Variants in COPS8 observed in about 807,000 individuals in gnomAD.
COPS8 encodes the protein COP9 signalosome subunit 8.
Under a neutral mutation model 31.5 loss-of-function variants are expected in COPS8, and 11 were observed. The observed-to-expected ratio is 0.35, with a 90% CI of 0.22 to 0.58. The LOEUF is 0.58. Among genes scored for constraint, COPS8 ranks in the 20% least tolerant of loss-of-function variants. COPS8 has a pLI of 0.83. For missense variants in COPS8, 215 were observed against 255.1 expected (o/e 0.84, Z 1.07); for synonymous variants, 81 against 89.3 (o/e 0.91, Z 0.52).
At chr2:237,092,249 A>G (rs1274209892) in intron 4 of COPS8, among the ~76,000 whole-genome samples, 2 of 152,210 alleles carry the variant, frequency 1.3e-5, no homozygotes, top group African/African-American at 4.8e-5. Context: ...TCACAGAGTG[A>G]CTAGTCGGAA....
chr2:237,089,188 T>C (rs956426823), intron 3 of COPS8, among the ~76,000 whole-genome samples: 1 of 152,236 alleles, frequency 6.6e-6, no homozygotes, highest in Non-Finnish European at 1.5e-5. Context: ...GTGTCTAACA[T>C]GAGTGTCAAG....
chr2:237,097,304 C>G (rs1310210631), intron 7 of COPS8, among the ~76,000 whole-genome samples: 2 of 127,188 alleles, frequency 1.6e-5, no homozygotes, highest in Admixed American at 2.0e-4. Flanking sequence ...CACTCTATTT[C>G]TTGAATTTAA....
intron 5 of COPS8, 45 bp from the exon 6 acceptor site, chr2:237,095,777 G>T (rs1009273485): frequency 1.0e-5 from 13 of 1,294,654 alleles, no homozygotes; most frequent in Middle Eastern, 3.6e-4. Context: ...ATTTTGTGGG[G>T]TGTTTTATTC....
intron 7 of COPS8, among the ~76,000 whole-genome samples, chr2:237,097,076 T>C (rs1202019962): frequency 6.6e-6 from 1 of 152,250 alleles, no homozygotes; most frequent in Admixed American, 6.5e-5. Context: ...TGCCCTCCTC[T>C]GGGCCAGCTG....
intron 4 of COPS8, among the ~76,000 whole-genome samples, chr2:237,091,270 C>T (rs2106345326): frequency 6.6e-6 from 1 of 152,310 alleles, no homozygotes; most frequent in Middle Eastern, 3.4e-3. Flanking sequence ...GGAGTTTAAG[C>T]TCTGGGTCCT....
chr2:237,096,941 A>T, intron 7 of COPS8, 72 bp downstream of exon 7: 3 of 1,027,426 alleles, frequency 2.9e-6, no homozygotes, highest in Non-Finnish European at 4.5e-6. Context: ...ATATATGTAT[A>T]TGTGTGTGTG....
intron 6 of COPS8, among the ~76,000 whole-genome samples, chr2:237,096,364 C>G (rs1696800902): frequency 6.6e-6 from 1 of 152,104 alleles, no homozygotes; most frequent in Non-Finnish European, 1.5e-5. Flanking sequence ...TTGTCTTTAT[C>G]TGAATTCCCA....
intron 5 of COPS8, among the ~76,000 whole-genome samples, chr2:237,095,310 G>C (rs1176470170): frequency 6.6e-6 from 1 of 152,096 alleles, no homozygotes; most frequent in African/African-American, 2.4e-5. Flanking sequence ...CAAATCACTT[G>C]AATTTCCCTC....
At chr2:237,092,528 G>T (rs1358097900) in intron 4 of COPS8, among the ~76,000 whole-genome samples, 3 of 151,752 alleles carry the variant, frequency 2.0e-5, no homozygotes. Context: ...TAGTTTTATG[G>T]TGTATACTTT....
Position 237,085,889 on chromosome 2 carries a change from A to T in COPS8, c.-76A>T. On this transcript the variant is annotated 5_prime_UTR_variant, in exon 1 of 8. Coordinates refer to ENST00000354371, the MANE Select transcript of COPS8 (RefSeq NM_006710.5). ...GGCGGCAACGGCGGCTTTAAACGTCATCGCGGGCGCGACGCCTGAGGGACA... is the reference window on the plus strand; with the variant it reads ...GGCGGCAACGGCGGCTTTAAACGTCTTCGCGGGCGCGACGCCTGAGGGACA... 1 of 1,428,976 alleles carries T rather than the reference A, an allele frequency of 7.0e-7. No individual in the cohort carries two copies. Among genetic ancestry groups the T allele is most frequent in the Non-Finnish European group, 9.7e-7 (1 of 1,031,196 alleles). 88.5% of individuals were successfully genotyped at this position (1,428,976 alleles called of 1,614,324 possible). A position where few individuals can be genotyped will look rare whatever the true frequency, so the allele number is the denominator to read the frequency against.
chr2:237,086,542 C>T (rs1443501438), intron 1 of COPS8, among the ~76,000 whole-genome samples: 1 of 152,052 alleles, frequency 6.6e-6, no homozygotes, highest in East Asian at 1.9e-4. Context: ...GAAAGTTATG[C>T]AGCTGTTAAA....
At chr2:237,094,280 T>G in intron 5 of COPS8, 83 bp downstream of exon 5, 2 of 1,310,372 alleles carry the variant, frequency 1.5e-6, no homozygotes, top group Non-Finnish European at 2.2e-6. Flanking sequence ...TCTGAAACAC[T>G]TGGAACAGAA....
chr2:237,088,002 C>T (rs1696649926), intron 2 of COPS8, among the ~76,000 whole-genome samples: 1 of 149,402 alleles, frequency 6.7e-6, no homozygotes, highest in East Asian at 1.9e-4. Flanking sequence ...ACTGATGATT[C>T]CTGATAACAT....
At position 237,089,864 on chromosome 2, in the gene COPS8, A is replaced by G. The variant is rs1696676493; in HGVS notation, c.201A>G (p.Ala67=). Residue 67 remains alanine, a splice_region_variant and synonymous_variant, in exon 4 of 8, where the codon GCA becomes GCG. Transcript: ENST00000354371. ...WKRIPPAIKS[A]NSELGGIWSV... ...TAAGGCAATAATATTTATTGCAGGCAAATTCTGAACTTGGGGGAATTTGGT... is the reference window on the plus strand; with the variant it reads ...TAAGGCAATAATATTTATTGCAGGCGAATTCTGAACTTGGGGGAATTTGGT... The G allele has an allele frequency of 6.2e-7, 1 of 1,612,274 alleles. No individual in the cohort carries two copies.
At chr2:237,091,300 C>T (rs550644329) in intron 4 of COPS8, among the ~76,000 whole-genome samples, 1 of 152,204 alleles carries the variant, frequency 6.6e-6, no homozygotes, top group South Asian at 2.1e-4. Context: ...AGTTCAAATT[C>T]TGATTCTGTC....
chr2:237,093,612 T>TG, intron 4 of COPS8: 1 of 808,908 alleles, frequency 1.2e-6, no homozygotes, highest in Non-Finnish European at 1.5e-6. Flanking sequence ...AAGAGTTTGA[T>TG]GCAGACTTGG....
chr2:237,093,964 G>A, intron 4 of COPS8, 126 bp from the exon 5 acceptor site: 1 of 1,446,236 alleles, frequency 6.9e-7, no homozygotes, highest in Non-Finnish European at 9.1e-7. Context: ...TATAAGCACA[G>A]AAATCTTTGG....
chr2:237,090,846 G>T (rs1408632160), intron 4 of COPS8, among the ~76,000 whole-genome samples: 4 of 152,242 alleles, frequency 2.6e-5, no homozygotes, highest in African/African-American at 9.6e-5. Context: ...TACTTTAAAT[G>T]TGAATGAAAT....
chr2:237,099,337 T>C lies in COPS8; in HGVS notation c.*1595T>C, dbSNP rs1696856128. The C allele has an allele frequency of 6.6e-6, 1 of 152,058 alleles. No individual in the cohort carries two copies. Among genetic ancestry groups the C allele is most frequent in the Non-Finnish European group, 1.5e-5 (1 of 68,006 alleles). 9.4% of individuals were successfully genotyped at this position (152,058 alleles called of 1,614,324 possible). ...GGGGATATATACAAAATGAATATAA[T>C]AGTTCCCTAAAGAGGAAGGAGAGGA... On this transcript the variant is annotated 3_prime_UTR_variant, in exon 8 of 8. Coordinates refer to ENST00000354371, the MANE Select transcript of COPS8 (RefSeq NM_006710.5).
Sources: gnomAD v4.1 joint callset for allele counts (sites outside exome capture counted in the v4.1 genomes callset) on GRCh38, gnomAD v4.1.1 for gene constraint, MANE v1.5 for transcripts, NCBI Gene and HGNC (gene_info 2026-07-23, HGNC 2026-07-21) for gene names.